MGAT4C: variants seen among roughly 807,000 people sequenced by gnomAD.
MGAT4C encodes alpha-1,3-mannosyl-glycoprotein 4-beta-N-acetylglucosaminyltransferase C.
In MGAT4C, 19 loss-of-function variants were observed where a neutral mutation model predicts 40.1. The observed-to-expected ratio is 0.47, with a 90% CI of 0.33 to 0.70. The LOEUF (loss-of-function observed/expected upper bound fraction) is 0.70, where lower values mean the gene tolerates loss of function less well. Among genes scored for constraint, MGAT4C ranks in the 30% least tolerant of loss-of-function variants. The pLI, the probability that MGAT4C is intolerant of heterozygous loss-of-function variation, is 0.02. For missense variants in MGAT4C, 491 were observed against 563.2 expected, an observed-to-expected ratio of 0.87 and a Z score of 1.30; for synonymous variants, 181 against 187.1, an observed-to-expected ratio of 0.97 and a Z score of 0.27.
chr12:86,235,226 C>T (rs1412357973), intron 1 of MGAT4C, among the ~76,000 whole-genome samples: 1 of 152,062 alleles, frequency 6.6e-6, no homozygotes, highest in East Asian at 1.9e-4. Flanking sequence ...GATTCATCTA[C>T]TCTTCTTCTT....
chr12:86,313,936 A>G (rs2136153103), intron 4 of MGAT4C, among the ~76,000 whole-genome samples: 1 of 152,334 alleles, frequency 6.6e-6, no homozygotes, highest in African/African-American at 2.4e-5. Context: ...CCTAAGTAGT[A>G]GTTGGAATTA....
intron 2 of MGAT4C, among the ~76,000 whole-genome samples, chr12:86,701,783 T>A (rs1471215300): frequency 6.6e-6 from 1 of 152,052 alleles, no homozygotes; most frequent in African/African-American, 2.4e-5. Flanking sequence ...AAGGTAAAAC[T>A]TTTTGAAGGG....
intron 2 of MGAT4C, among the ~76,000 whole-genome samples, chr12:86,573,642 T>A (rs983081890): frequency 6.6e-6 from 1 of 152,038 alleles, no homozygotes; most frequent in Non-Finnish European, 1.5e-5. Flanking sequence ...TTCTTTACTA[T>A]TCTGTAAAGA....
chr12:86,279,893 C>T (rs1220759072), intron 4 of MGAT4C, among the ~76,000 whole-genome samples: 1 of 151,820 alleles, frequency 6.6e-6, no homozygotes, highest in Admixed American at 6.6e-5. Context: ...TTTGTGGGCC[C>T]ATTCAGGAGC....
chr12:86,227,663 C>T (rs1406671413), intron 1 of MGAT4C, among the ~76,000 whole-genome samples: 1 of 151,934 alleles, frequency 6.6e-6, no homozygotes, highest in Non-Finnish European at 1.5e-5. Context: ...TAGTATCTGT[C>T]ATGAGTCCAC....
intron 2 of MGAT4C, among the ~76,000 whole-genome samples, chr12:86,707,824 C>T (rs547368659): frequency 3.3e-5 from 5 of 152,226 alleles, no homozygotes; most frequent in African/African-American, 1.2e-4. Context: ...AGCCTCCATG[C>T]CTGACTTGGC....
At chr12:86,153,206 A>G (rs555656800) in intron 1 of MGAT4C, among the ~76,000 whole-genome samples, 18 of 152,284 alleles carry the variant, frequency 1.2e-4, no homozygotes, top group Non-Finnish European at 7.4e-5. Context: ...CAACAAGTAC[A>G]TGGCCTCTAA....
rs532300122 is a variant in MGAT4C, at chr12:86,357,319, G to C, written c.-119-23192C>G. Among the ~76,000 whole-genome samples the C allele has an allele frequency of 3.3e-3, 495 of 152,240 alleles. 2 individuals are homozygous for C. The highest frequency in any genetic ancestry group is 0.012 in the African/African-American group (482 of 41,544). Reference sequence around the variant, plus strand: ...GGACATCCACACCAAAACCCCATCTGTACGTCACCATCATCAAAGACCAAA... The same window carrying C: ...GGACATCCACACCAAAACCCCATCTCTACGTCACCATCATCAAAGACCAAA... On this transcript the variant is annotated intron_variant, in intron 3 of 7. Coordinates refer to the MGAT4C transcript ENST00000548651.
intron 3 of MGAT4C, among the ~76,000 whole-genome samples, chr12:85,987,697 T>G (rs891154439): frequency 1.3e-5 from 2 of 152,226 alleles, no homozygotes; most frequent in Non-Finnish European, 2.9e-5. Flanking sequence ...TTACTCATTT[T>G]ATGGTGAATT....
rs57791582 is a variant in MGAT4C at position 86,782,171 on chromosome 12, A to ATTTTT, written c.-261-54935_-261-54931dup. ...CCACGCCTGGCTAAATGTTTTTTGT[A>ATTTTT]TTTTTTTTTTTTTTTTTTTTTTTTT... On this transcript the variant is annotated intron_variant, in intron 1 of 7. Coordinates refer to the MGAT4C transcript ENST00000548651. 5.2e-4 allele frequency among the ~76,000 whole-genome samples: 21 copies of ATTTTT among 40,294 alleles called. 2 individuals carry two copies. The highest frequency in any genetic ancestry group is 9.5e-4 in the East Asian group (1 of 1,058). The allele number at this position is 40,294 out of a possible 152,430, so 26.4% of individuals were successfully genotyped here.
At chr12:86,203,045 TGTGTG>T (rs1950107409) in intron 1 of MGAT4C, among the ~76,000 whole-genome samples, 1 of 151,644 alleles carries the variant, frequency 6.6e-6, no homozygotes, top group Non-Finnish European at 1.5e-5. Context: ...TGTGTGTGTG[TGTGTG>T]TGTGTTTTTA....
chr12:86,438,988 T>C (rs1240888130), intron 2 of MGAT4C, among the ~76,000 whole-genome samples: 1 of 151,940 alleles, frequency 6.6e-6, no homozygotes, highest in Non-Finnish European at 1.5e-5. Flanking sequence ...TTATTCCTAC[T>C]AAACCTATGA....
At chr12:86,166,526 G>T (rs1259736753) in intron 1 of MGAT4C, among the ~76,000 whole-genome samples, 2 of 152,136 alleles carry the variant, frequency 1.3e-5, no homozygotes, top group Non-Finnish European at 2.9e-5. Flanking sequence ...ACAAAAATTA[G>T]TTGGCTGTGG....
intron 2 of MGAT4C, among the ~76,000 whole-genome samples, chr12:86,461,370 C>G (rs943907299): frequency 6.6e-6 from 1 of 151,702 alleles, no homozygotes; most frequent in Non-Finnish European, 1.5e-5. Context: ...CTCAGCCTCC[C>G]GAGTAGCTGG....
chr12:86,301,566 A>C (rs930045726), intron 4 of MGAT4C, among the ~76,000 whole-genome samples: 1 of 152,162 alleles, frequency 6.6e-6, no homozygotes, highest in Admixed American at 6.6e-5. Flanking sequence ...ACAGTATTTG[A>C]GTGGATGTAT....
At chr12:86,674,886 G>A (rs185360197) in intron 2 of MGAT4C, among the ~76,000 whole-genome samples, 9 of 151,852 alleles carry the variant, frequency 5.9e-5, no homozygotes, top group South Asian at 4.2e-4. Context: ...TATTTAATTC[G>A]TATCAGTTGA....
At chr12:86,334,224 T>A (rs1403036148) in intron 3 of MGAT4C, 1 of 152,186 alleles carries the variant, frequency 6.6e-6, no homozygotes, top group East Asian at 1.9e-4. Context: ...GGGAAAAAAA[T>A]TGCATTAAAG....
At chr12:86,736,159 T>A (rs2136124946) in intron 1 of MGAT4C, among the ~76,000 whole-genome samples, 1 of 151,986 alleles carries the variant, frequency 6.6e-6, no homozygotes, top group African/African-American at 2.4e-5. Context: ...TTCTTCTCAA[T>A]CATCTTGGTC....
At chr12:86,266,656 T>G (rs1952794719) in intron 4 of MGAT4C, among the ~76,000 whole-genome samples, 1 of 152,168 alleles carries the variant, frequency 6.6e-6, no homozygotes, top group Non-Finnish European at 1.5e-5. Flanking sequence ...CCTCCTAGAA[T>G]GAGTTAGAAA....
Sources: allele counts gnomAD v4.1 joint callset (sites outside exome capture counted in the v4.1 genomes callset), GRCh38; gene constraint gnomAD v4.1.1; transcripts MANE v1.5; gene names NCBI Gene and HGNC (gene_info 2026-07-23, HGNC 2026-07-21).